The following DNTTIP2 variants were observed in gnomAD, a reference collection of about 807,000 sequenced individuals.
DNTTIP2 encodes deoxynucleotidyltransferase terminal interacting protein 2.
A neutral mutation model predicts 62.4 loss-of-function variants in DNTTIP2; 47 were observed. The observed-to-expected ratio is 0.75, with a 90% confidence interval of 0.60 to 0.96. The LOEUF (loss-of-function observed/expected upper bound fraction) is 0.96. Ranked by LOEUF, DNTTIP2 falls within the 40% of genes least tolerant of loss-of-function variation. The probability of loss-of-function intolerance (pLI) is 0.00; values close to 1 mark genes in which losing one functional copy is unlikely to be tolerated. For missense variants in DNTTIP2, 870 were observed against 849.1 expected (o/e 1.02, Z -0.31); for synonymous variants, 322 against 300.9 (o/e 1.07, Z -0.73).
At position 93,872,598 on chromosome 1, in the gene DNTTIP2, A is replaced by G. The variant is rs959614658; in HGVS notation, c.1903-362T>C. On this transcript the variant is annotated intron_variant, in intron 4 of 6. Transcript: ENST00000436063. ...AAAAACACTTTCGTTTCTAGAGCTT[A>G]TATGTAAACATTTTTATTCAGTCAC... is the stretch of plus-strand genomic sequence containing the variant. Among the ~76,000 whole-genome samples, 6 of 152,336 alleles carry G rather than the reference A, an allele frequency of 3.9e-5. No homozygotes were observed. The East Asian group carries it at 9.6e-4, about 24-fold the overall frequency.
chr1:93,877,126 G>C lies in DNTTIP2; in HGVS notation c.809C>G (p.Ser270Cys). The C allele has an allele frequency of 1.2e-5, 19 of 1,611,712 alleles. No individual in the cohort carries two copies. The highest frequency in any genetic ancestry group is 1.5e-5 in the Non-Finnish European group (18 of 1,179,764). The part of the protein sequence containing the change: ...FYNNDFDDDF[S>C]HRSSENILTV... ...TAATATATTTTCTGAACTTCTGTGG[G>C]AGAAATCATCATCAAAGTCATTATT... The change falls in exon 2 of 7, where the codon TCC (serine) becomes TGC (cysteine). Residue 270 changes from serine (S) to cysteine (C), a missense_variant. Coordinates refer to ENST00000436063, the MANE Select transcript of DNTTIP2 (RefSeq NM_014597.5).
At chr1:93,873,641 GA>G (rs1175449885) in intron 3 of DNTTIP2, among the ~76,000 whole-genome samples, 8 of 144,722 alleles carry the variant, frequency 5.5e-5, no homozygotes, top group African/African-American at 1.8e-4. Flanking sequence ...AAAGAAAAAA[GA>G]AAAAAAAGGC....
intron 1 of DNTTIP2, among the ~76,000 whole-genome samples, chr1:93,878,121 T>C (rs1290893359): frequency 6.6e-6 from 1 of 151,866 alleles, no homozygotes; most frequent in African/African-American, 2.4e-5. Flanking sequence ...TTGGCCAACA[T>C]AGTGAAACCC....
At chr1:93,875,584 G>C (rs1655979745) in intron 3 of DNTTIP2, 61 bp downstream of exon 3, 1 of 1,533,450 alleles carries the variant, frequency 6.5e-7, no homozygotes, top group Non-Finnish European at 8.8e-7. Context: ...CTTTTACCAA[G>C]GACTAATTTC....
chr1:93,879,189 C>G lies in DNTTIP2; in HGVS notation c.-41G>C. On this transcript the variant is annotated 5_prime_UTR_variant, in exon 1 of 7. Transcript: ENST00000436063. Reference sequence around the variant, plus strand: ...GCGACCACCACGACTTCCCTCTTCCCTGGCGCTCCGGAAATGCGTCAGAGA... The same window carrying G: ...GCGACCACCACGACTTCCCTCTTCCGTGGCGCTCCGGAAATGCGTCAGAGA... The G allele has an allele frequency of 6.2e-7, 1 of 1,603,294 alleles. No individual in the cohort carries two copies. The highest frequency in any genetic ancestry group is 1.7e-4 in the Middle Eastern group (1 of 5,998).
Position 93,876,740 on chromosome 1 carries a change from C to G in DNTTIP2, c.1195G>C (p.Asp399His). 4 of 1,613,992 alleles carry G rather than the reference C, an allele frequency of 2.5e-6. No homozygotes were observed. In the South Asian group the frequency reaches 3.3e-5, roughly 13 times the overall value. The change falls in exon 2 of 7, where the codon GAT becomes CAT. Residue 399 changes from aspartate (D) to histidine (H), a missense_variant. Physicochemically the swap from Asp to His is moderately conservative, Grantham distance 81. Coordinates refer to ENST00000436063, the MANE Select transcript of DNTTIP2 (RefSeq NM_014597.5). ...TKFGDCGGSD[D>H]EEESTVISVS... is the part of the protein sequence containing the mutation. ...CTTATAACTGTGGACTCTTCTTCATCATCACTACCACCACAATCACCAAAC... is the reference window on the plus strand; with the variant it reads ...CTTATAACTGTGGACTCTTCTTCATGATCACTACCACCACAATCACCAAAC...
intron 4 of DNTTIP2, among the ~76,000 whole-genome samples, chr1:93,872,884 A>AT (rs1380708828): frequency 1.3e-5 from 2 of 151,602 alleles, no homozygotes; most frequent in Non-Finnish European, 2.9e-5. Flanking sequence ...ATATATATAT[A>AT]TATTTTTTTA....
rs776402469 is a variant in DNTTIP2, at chr1:93,877,832, G to T, written c.103C>A (p.Pro35Thr). 1 of 1,602,546 alleles carries T rather than the reference G, an allele frequency of 6.2e-7. No homozygotes were observed. The highest frequency in any genetic ancestry group is 8.5e-7 in the Non-Finnish European group (1 of 1,179,746). The change falls in exon 2 of 7, where the codon CCA becomes ACA. Residue 35 changes from proline to threonine, a missense_variant. Transcript: ENST00000436063. ...SFAANGIQAHPESSTGSDART... is the reference protein window; with the variant it reads ...SFAANGIQAHTESSTGSDART... ...GCATCAGATCCAGTACTACTTTCTG[G>T]ATGCGCTTGAATCCCATTAGCAGCA...
At chr1:93,874,794 G>C (rs867082063) in intron 3 of DNTTIP2, among the ~76,000 whole-genome samples, 2 of 152,080 alleles carry the variant, frequency 1.3e-5, no homozygotes, top group African/African-American at 4.8e-5. Flanking sequence ...TTGCCCAGCC[G>C]GATTTGTGTT....
rs763661699 is a variant in DNTTIP2, at chr1:93,876,610, AAGACAG to A, written c.1319_1324del (p.Ser440_Val441del). ...GCTTTCATCACTGCTGAGAACTAGT[AAGACAG>A]AATTATCTTTACCCTGAGATGTGTT... is the stretch of plus-strand genomic sequence containing the variant. On this transcript the variant is annotated inframe_deletion, in exon 2 of 7. Transcript: ENST00000436063. 6.2e-7 allele frequency: 1 copy of A among 1,614,032 alleles called. No homozygotes were observed. Among genetic ancestry groups the A allele is most frequent in the African/African-American group, 1.3e-5 (1 of 75,068 alleles).
At position 93,868,843 on chromosome 1, in the gene DNTTIP2, G is replaced by A. The variant is rs1655783926; in HGVS notation, c.*1008C>T. On this transcript the variant is annotated 3_prime_UTR_variant, in exon 7 of 7. Transcript: ENST00000436063. ...CAGGGAGGGGAACATCACACACTGG[G>A]GCCTGTTGTGGGTGGGGGACTAGGG... 1 of 152,052 alleles carries A rather than the reference G, an allele frequency of 6.6e-6. No homozygotes were observed. Among genetic ancestry groups the A allele is most frequent in the Non-Finnish European group, 1.5e-5 (1 of 68,044 alleles). 9.4% of individuals were successfully genotyped at this position (152,052 alleles called of 1,614,324 possible).
rs1656053246 is a variant in DNTTIP2 at position 93,877,803 on chromosome 1, T to C, written c.132A>G (p.Arg44=). Residue 44 remains arginine (R), a synonymous_variant, in exon 2 of 7, where the codon CGA becomes CGG. Coordinates refer to ENST00000436063, the MANE Select transcript of DNTTIP2 (RefSeq NM_014597.5). ...CAGTGGTCTGTGATTCAGCAGTAGT[T>C]CGGGCATCAGATCCAGTACTACTTT... The part of the protein sequence containing the change: ...HPESSTGSDA[R]TTAESQTTGK... The C allele has an allele frequency of 6.2e-7, 1 of 1,607,640 alleles. No homozygotes were observed.
rs1557717564 is a variant in DNTTIP2, at chr1:93,872,057, C to CTG, written c.2067+13_2067+14dup. 4.3e-6 allele frequency: 7 copies of CTG among 1,613,318 alleles called. No homozygotes were observed. The highest frequency in any genetic ancestry group is 5.9e-6 in the Non-Finnish European group (7 of 1,179,580). On this transcript the variant is annotated intron_variant, in intron 5 of 6. Coordinates refer to ENST00000436063, the MANE Select transcript of DNTTIP2 (RefSeq NM_014597.5). ...AAATTCACAGATCATCACCACTATT[C>CTG]TGTTTGCTTCATACCTGGAAGTACT... is the stretch of plus-strand genomic sequence containing the variant.
chr1:93,871,972 T>C, intron 5 of DNTTIP2, 100 bp downstream of exon 5: 1 of 1,344,132 alleles, frequency 7.4e-7, no homozygotes, highest in Non-Finnish European at 1.0e-6. Flanking sequence ...GCATGCACAA[T>C]GGAAATATCC....
rs1656032530 is a variant in DNTTIP2, at chr1:93,877,150, T to C, written c.785A>G (p.Asn262Ser). 3 of 1,612,864 alleles carry C rather than the reference T, an allele frequency of 1.9e-6. No individual in the cohort carries two copies. The highest frequency in any genetic ancestry group is 2.7e-5 in the African/African-American group (2 of 75,054). Residue 262 changes from asparagine (N) to serine (S), a missense_variant, in exon 2 of 7, where the codon AAT becomes AGT. Transcript: ENST00000436063. ...LSEINKPNFY[N>S]NDFDDDFSHR... ...GGAGAAATCATCATCAAAGTCATTA[T>C]TATAGAAATTTGGCTTATTTATCTC...
chr1:93,869,008 T>C lies in DNTTIP2; in HGVS notation c.*843A>G, dbSNP rs916179320. ...ATTATTAAAAAAAAAAAAGATTTCA[T>C]ATTTGCTGATATCTCAAGGAAGCAG... On this transcript the variant is annotated 3_prime_UTR_variant, in exon 7 of 7. Coordinates refer to ENST00000436063, the MANE Select transcript of DNTTIP2 (RefSeq NM_014597.5). The C allele has an allele frequency of 1.3e-4, 19 of 151,970 alleles. No homozygotes were observed. The highest frequency in any genetic ancestry group is 4.6e-4 in the African/African-American group (19 of 41,352). 9.4% of individuals were successfully genotyped at this position (151,970 alleles called of 1,614,324 possible).
chr1:93,879,001 G>T (rs1253673807), intron 1 of DNTTIP2, 76 bp downstream of exon 1: 5 of 1,571,244 alleles, frequency 3.2e-6, no homozygotes, highest in East Asian at 2.3e-5. Context: ...ACCCTTAACC[G>T]GACCCTTGCG....
chr1:93,871,567 G>A (rs1427511376), intron 5 of DNTTIP2, among the ~76,000 whole-genome samples: 1 of 152,130 alleles, frequency 6.6e-6, no homozygotes, highest in Non-Finnish European at 1.5e-5. Flanking sequence ...TAAGTGTGTT[G>A]GAATTTGTTG....
At chr1:93,873,258 A>T (rs1439599302) in intron 3 of DNTTIP2, 44 bp from the exon 4 acceptor site, 1 of 1,460,722 alleles carries the variant, frequency 6.8e-7, no homozygotes. Flanking sequence ...TCAGAATGTT[A>T]TATAAGTTTT....
Sources: allele counts gnomAD v4.1 joint callset (sites outside exome capture counted in the v4.1 genomes callset), GRCh38; gene constraint gnomAD v4.1.1; transcripts MANE v1.5; gene names NCBI Gene and HGNC (gene_info 2026-07-23, HGNC 2026-07-21).